STK32B: variants seen among roughly 807,000 people sequenced by gnomAD.
STK32B encodes the protein serine/threonine-protein kinase 32B.
In STK32B, 43 loss-of-function variants were observed where a neutral mutation model predicts 52.6. The ratio of observed to expected loss-of-function variants is 0.82; its 90% confidence interval spans 0.64 to 1.05. The LOEUF is 1.05. Ranked by LOEUF, STK32B falls within the 50% of genes least tolerant of loss-of-function variation. STK32B has a pLI of 0.00. For synonymous variants in STK32B, 238 were observed against 204.3 expected (o/e 1.17, Z -1.41); for missense variants, 621 against 534.6 (o/e 1.16, Z -1.59).
At chr4:5,350,566 A>T (rs1733760815) in intron 4 of STK32B, among the ~76,000 whole-genome samples, 1 of 152,180 alleles carries the variant, frequency 6.6e-6, no homozygotes. Context: ...GATAAACAAT[A>T]AAATAGGAAC....
At chr4:5,287,091 C>T (rs925506165) in intron 3 of STK32B, among the ~76,000 whole-genome samples, 2 of 152,096 alleles carry the variant, frequency 1.3e-5, no homozygotes, top group African/African-American at 2.4e-5. Context: ...CCACCGCGCC[C>T]AGCCAGGTGT....
intron 3 of STK32B, among the ~76,000 whole-genome samples, chr4:5,250,256 A>T (rs993179567): frequency 9.3e-5 from 14 of 151,048 alleles, no homozygotes; most frequent in African/African-American, 3.4e-4. Context: ...TATTCCTTTG[A>T]GTATATACCC....
rs139387843 is a variant in STK32B, at chr4:5,197,341, A to G, written c.260+28891A>G. Among the ~76,000 whole-genome samples the G allele has an allele frequency of 1.5e-3, 224 of 152,306 alleles. 1 individual carries two copies. The Middle Eastern group carries it at 0.02, about 14-fold the overall frequency. On this transcript the variant is annotated intron_variant, in intron 3 of 11. Coordinates refer to ENST00000282908, the MANE Select transcript of STK32B (RefSeq NM_018401.3). ...TCTTGGAATCACTTTGCTGCAGAGC[A>G]TGACTTGGTTGACTGATGGTTTTCA...
intron 3 of STK32B, among the ~76,000 whole-genome samples, chr4:5,216,480 C>T (rs1032903237): frequency 2.6e-5 from 4 of 152,136 alleles, no homozygotes; most frequent in Admixed American, 2.0e-4. Flanking sequence ...AGTAGGAGAA[C>T]TTATCTGGCA....
At chr4:5,234,361 G>T (rs1724484245) in intron 3 of STK32B, among the ~76,000 whole-genome samples, 1 of 152,182 alleles carries the variant, frequency 6.6e-6, no homozygotes, top group African/African-American at 2.4e-5. Context: ...CGTAGGAAAA[G>T]TTTGGTAAAA....
intron 2 of STK32B, among the ~76,000 whole-genome samples, chr4:5,148,940 A>T (rs953081003): frequency 1.2e-4 from 18 of 151,780 alleles, no homozygotes; most frequent in African/African-American, 4.1e-4. Flanking sequence ...TTTCCTTATG[A>T]TGAATTGTCC....
At chr4:5,042,196 T>C in the STK32B span, among the ~76,000 whole-genome samples, 7 of 152,188 alleles carry the variant, frequency 4.6e-5, no homozygotes, top group Non-Finnish European at 8.8e-5. Flanking sequence ...ATTTGGGATT[T>C]GAGAAGTAAC....
Position 5,467,931 on chromosome 4 carries a change from T to A in STK32B, c.1042-75T>A. The stretch of plus-strand genomic sequence containing the variant: ...GGTTTCCATCTAGGTCAGTCTGCCG[T>A]CCTGTGATGCTCCATTACCGCGCGT... On this transcript the variant is annotated intron_variant, in intron 10 of 11. Coordinates refer to ENST00000282908, the MANE Select transcript of STK32B (RefSeq NM_018401.3). The surrounding 1 kb of genome is among the most constrained non-coding windows in gnomAD (Gnocchi z 5.8). 2 of 1,546,446 alleles carry A rather than the reference T, an allele frequency of 1.3e-6. No individual in the cohort carries two copies. Among genetic ancestry groups the A allele is most frequent in the Non-Finnish European group, 1.8e-6 (2 of 1,120,506 alleles).
intron 3 of STK32B, among the ~76,000 whole-genome samples, chr4:5,227,274 C>G (rs893528163): frequency 1.3e-5 from 2 of 152,200 alleles, no homozygotes; most frequent in African/African-American, 2.4e-5. Flanking sequence ...CATTCTCTCT[C>G]ACGTTAAAAT....
chr4:5,183,146 A>G (rs1720483630), intron 3 of STK32B, among the ~76,000 whole-genome samples: 1 of 152,200 alleles, frequency 6.6e-6, no homozygotes, highest in Admixed American at 6.5e-5. Context: ...CGACTGCATT[A>G]GCCCCTAGCA....
chr4:5,273,941 T>C (rs1458690548), intron 3 of STK32B, among the ~76,000 whole-genome samples: 2 of 151,508 alleles, frequency 1.3e-5, no homozygotes, highest in African/African-American at 4.9e-5. Context: ...TGTATACATA[T>C]GTAACTAACC....
chr4:5,481,410 GC>G (rs1718697565), intron 11 of STK32B, among the ~76,000 whole-genome samples: 1 of 152,096 alleles, frequency 6.6e-6, no homozygotes, highest in Non-Finnish European at 1.5e-5. Flanking sequence ...CATATCCTTT[GC>G]CCACTTTTTG....
intron 4 of STK32B, among the ~76,000 whole-genome samples, chr4:5,332,140 A>G (rs1732295045): frequency 6.6e-6 from 1 of 152,234 alleles, no homozygotes; most frequent in Non-Finnish European, 1.5e-5. Flanking sequence ...ACTTCTAGGT[A>G]AAGATGACAG....
intron 4 of STK32B, among the ~76,000 whole-genome samples, chr4:5,338,874 C>G (rs1440154511): frequency 1.3e-5 from 2 of 152,152 alleles, no homozygotes; most frequent in African/African-American, 2.4e-5. Flanking sequence ...TTTGACTGGG[C>G]TAAAGGATGC....
chr4:5,418,301 TG>T (rs113465158), intron 6 of STK32B, among the ~76,000 whole-genome samples: 3,092 of 152,330 alleles, frequency 0.02, 86 homozygotes, highest in African/African-American at 0.065. Flanking sequence ...AATTTGACTT[TG>T]ATACTTTTCT....
At chr4:5,205,575 G>C (rs1722501352) in intron 3 of STK32B, among the ~76,000 whole-genome samples, 1 of 152,174 alleles carries the variant, frequency 6.6e-6, no homozygotes, top group African/African-American at 2.4e-5. Flanking sequence ...GGCTCTGGCT[G>C]TGGCAGATAC....
the STK32B span, among the ~76,000 whole-genome samples, chr4:5,038,962 G>A: frequency 6.8e-6 from 1 of 147,130 alleles, no homozygotes; most frequent in Non-Finnish European, 1.5e-5. Flanking sequence ...CAAACATACT[G>A]TACAGCTATA....
intron 2 of STK32B, among the ~76,000 whole-genome samples, chr4:5,141,547 A>AT (rs1397063407): frequency 2.9e-4 from 44 of 152,228 alleles, no homozygotes; most frequent in African/African-American, 1.1e-3. Flanking sequence ...GAGGAGTTGC[A>AT]TGATCTGTTT....
rs1054330607 is a variant in STK32B at position 5,205,842 on chromosome 4, C to T, written c.260+37392C>T. 3.9e-5 allele frequency among the ~76,000 whole-genome samples: 6 copies of T among 152,152 alleles called. No individual in the cohort carries two copies. The South Asian group carries it at 6.2e-4, about 16-fold the overall frequency. ...TTGCCTTGGGGGAATTCTCTTTCAC[C>T]GATTCTCATCTCCCATCCTCCTTGC... is the stretch of plus-strand genomic sequence containing the variant. On this transcript the variant is annotated intron_variant, in intron 3 of 11. Transcript: ENST00000282908.
Sources: gnomAD v4.1 joint callset for allele counts (sites outside exome capture counted in the v4.1 genomes callset) on GRCh38, gnomAD v4.1.1 for gene constraint, Gnocchi (gnomAD v3.1) non-coding constraint, MANE v1.5 for transcripts, NCBI Gene and HGNC (gene_info 2026-07-23, HGNC 2026-07-21) for gene names.